The following MAGIX variants were observed in gnomAD, a reference collection of about 807,000 sequenced individuals.
MAGIX encodes PDZ domain-containing protein MAGIX.
In MAGIX, 13 loss-of-function variants were observed where a neutral mutation model predicts 10.0. The ratio of observed to expected loss-of-function variants is 1.30; its 90% CI spans 0.84 to 2.06. MAGIX has a LOEUF of 2.06. Among genes scored for constraint, MAGIX ranks in the 30% most tolerant of loss-of-function variants. The pLI is 0.00. For missense variants in MAGIX, 235 were observed against 245.2 expected (o/e 0.96, Z 0.28); for synonymous variants, 108 against 106.8 (o/e 1.01, Z -0.07).
chrX:49,164,223 G>T, intron 2 of MAGIX: 1 of 271,149 alleles, frequency 3.7e-6, no homozygotes, highest in South Asian at 1.1e-4. Flanking sequence ...GTGCTTGGGG[G>T]GCGGGCACGC....
At chrX:49,167,382 A>G (rs1033847134) in exon 5 of MAGIX, 16 of 113,470 alleles carry the variant, frequency 1.4e-4, no homozygotes, top group African/African-American at 4.8e-4. Flanking sequence ...GCCGCGAGGA[A>G]GGCGCTGGCA....
At chrX:49,166,673 G>C (rs1339307585) in exon 5 of MAGIX, 3 of 324,272 alleles carry the variant, frequency 9.3e-6, no homozygotes, top group Admixed American at 1.1e-4. Flanking sequence ...GGGGCTGCCC[G>C]GGCCACTCTG....
chrX:49,164,853 T>C lies in MAGIX; in HGVS notation c.93T>C (p.Pro31=). Reference sequence around the variant, plus strand: ...GGGCAAACTATGTACACCTGTGTCCTTTATTCCAGCACCGTTGGTTAGAGA... The same window carrying C: ...GGGCAAACTATGTACACCTGTGTCCCTTATTCCAGCACCGTTGGTTAGAGA... Residue 31 remains proline, a synonymous_variant, in exon 3 of 5, where the codon CCT becomes CCC. Transcript: ENST00000616266. The C allele has an allele frequency of 8.3e-7, 1 of 1,211,745 alleles. No homozygotes were observed. The highest frequency in any genetic ancestry group is 1.1e-6 in the Non-Finnish European group (1 of 895,015).
At chrX:49,163,821 C>A (rs782664959) in exon 2 of MAGIX, 44 of 1,047,990 alleles carry the variant, frequency 4.2e-5, no homozygotes, top group Non-Finnish European at 5.1e-5. Context: ...TAGCGCCCGG[C>A]AGCTCCTGGC....
intron 1 of MAGIX, 65 bp from the exon 2 acceptor site, chrX:49,163,718 G>T (rs2065344960): frequency 2.1e-6 from 2 of 962,430 alleles, no homozygotes; most frequent in Non-Finnish European, 2.6e-6. Context: ...GTCTTCGAGC[G>T]TCCGGAAGCA....
At chrX:49,162,882 T>C in intron 1 of MAGIX, 1 of 906,182 alleles carries the variant, frequency 1.1e-6, no homozygotes, top group African/African-American at 2.1e-5. Flanking sequence ...CCCGGCGGAC[T>C]ACTGGCCATG....
exon 5 of MAGIX, chrX:49,166,440 A>T: frequency 9.5e-7 from 1 of 1,053,108 alleles, no homozygotes. Flanking sequence ...TTACCGCCCA[A>T]CCTGGATCCG....
chrX:49,166,477 A>C, exon 5 of MAGIX: 1 of 881,142 alleles, frequency 1.1e-6, no homozygotes. Context: ...GGCACTTGGC[A>C]CCTCCCCAAG....
intron 1 of MAGIX, chrX:49,163,492 G>A (rs1403891620): frequency 4.9e-6 from 1 of 202,838 alleles, no homozygotes; most frequent in African/African-American, 3.0e-5. Context: ...GGCATCCAGG[G>A]TGATTAGGGG....
At chrX:49,167,470 T>A (rs1447024228) in exon 5 of MAGIX, 4 of 113,406 alleles carry the variant, frequency 3.5e-5, no homozygotes, top group Non-Finnish European at 7.5e-5. Context: ...GGAGGGAAGC[T>A]GTGGTCTGAC....
At chrX:49,167,247 G>T (rs1202290275) in exon 5 of MAGIX, 4 of 114,252 alleles carry the variant, frequency 3.5e-5, no homozygotes, top group Non-Finnish European at 7.5e-5. Flanking sequence ...AACTGCAGCC[G>T]GGCTTGTGTG....
chrX:49,165,213 C>A, exon 4 of MAGIX: 1 of 1,189,126 alleles, frequency 8.4e-7, no homozygotes, highest in Non-Finnish European at 1.1e-6. Flanking sequence ...TGCTCCACAT[C>A]AACGGAGAGT....
At chrX:49,168,552 G>A (rs1315867343), downstream of MAGIX, 3 of 106,831 alleles carry the variant, frequency 2.8e-5, no homozygotes, top group East Asian at 2.9e-4. Context: ...AGGCGGAGGC[G>A]GGTGGATTGT....
At chrX:49,168,263 G>A (rs889426502) in exon 5 of MAGIX, 5 of 108,823 alleles carry the variant, frequency 4.6e-5, no homozygotes, top group African/African-American at 1.7e-4. Context: ...GAGGTCAAGA[G>A]TTCAAGAGCA....
rs376045570 is a variant in MAGIX, at chrX:49,163,902, G to A, written c.-82G>A. On this transcript the variant is annotated 5_prime_UTR_variant, in exon 2 of 5. Transcript: ENST00000616266. ...GGCAGCGCTGGTACGCAGGGCGGGC[G>A]CCACATTGCGCCTGCGCCGGAAGGA... 1.9e-3 allele frequency: 1,961 copies of A among 1,020,062 alleles called. 28 individuals carry two copies. In the African/African-American group the frequency reaches 0.034, roughly 18 times the overall value. 84.1% of individuals were successfully genotyped at this position (1,020,062 alleles called of 1,213,427 possible). A position where few individuals can be genotyped will look rare whatever the true frequency, so the allele number is the denominator to read the frequency against.
At chrX:49,164,087 G>A (rs1557096972) in intron 2 of MAGIX, 158 bp downstream of exon 2, 2 of 435,877 alleles carry the variant, frequency 4.6e-6, no homozygotes, top group East Asian at 4.9e-5. Flanking sequence ...AGTGGGAGGA[G>A]CCTTGGGGTT....
At chrX:49,168,469 A>C (rs2065379917) in exon 5 of MAGIX, 1 of 3,743 alleles carries the variant, frequency 2.7e-4, no homozygotes. Context: ...ATCAGTCTCA[A>C]AAAAAAAAAA....
At chrX:49,166,576 C>T (rs1261198836) in exon 5 of MAGIX, 1 of 427,406 alleles carries the variant, frequency 2.3e-6, no homozygotes, top group African/African-American at 2.4e-5. Context: ...CCCTTCCAGC[C>T]GGCTAGCCTG....
chrX:49,165,395 G>T (rs2065360137), intron 4 of MAGIX, 34 bp downstream of exon 5: 2 of 1,099,915 alleles, frequency 1.8e-6, no homozygotes, highest in Non-Finnish European at 1.2e-6. Context: ...TCAGAGATCA[G>T]TGAGGAGAAG....
Sources: allele counts gnomAD v4.1 joint callset, GRCh38; gene constraint gnomAD v4.1.1; transcripts MANE v1.5; gene names NCBI Gene and HGNC (gene_info 2026-07-23, HGNC 2026-07-21).